The following SORCS2 variants were observed in gnomAD, a reference collection of about 807,000 sequenced individuals.
The protein encoded by SORCS2 is VPS10 domain-containing receptor SorCS2.
In SORCS2, 100 loss-of-function variants were observed where a neutral mutation model predicts 141.6. The ratio of observed to expected loss-of-function variants is 0.71; its 90% CI spans 0.60 to 0.83. The LOEUF (loss-of-function observed/expected upper bound fraction) is 0.83. Among genes scored for constraint, SORCS2 ranks in the 40% least tolerant of loss-of-function variants. SORCS2 has a pLI of 0.00. For missense variants in SORCS2, 1,646 were observed against 1,560.2 expected (o/e 1.05, Z -0.93); for synonymous variants, 789 against 676.9 (o/e 1.17, Z -2.57).
chr4:7,603,108 A>C (rs753615506), intron 3 of SORCS2, among the ~76,000 whole-genome samples: 6 of 151,880 alleles, frequency 4.0e-5, no homozygotes, highest in Non-Finnish European at 7.4e-5. Context: ...AGATGGCGGC[A>C]CTACAGTTCA....
At chr4:7,697,977 T>C (rs1285448916) in intron 12 of SORCS2, among the ~76,000 whole-genome samples, 1 of 152,086 alleles carries the variant, frequency 6.6e-6, no homozygotes, top group Admixed American at 6.5e-5. Context: ...CCAGAGGCAA[T>C]GGTGCTGATG....
intron 1 of SORCS2, among the ~76,000 whole-genome samples, chr4:7,299,380 A>C (rs939074588): frequency 3.3e-5 from 5 of 152,222 alleles, no homozygotes; most frequent in Non-Finnish European, 7.3e-5. Flanking sequence ...TCTTCCCCTC[A>C]GATGGCTCTG....
At chr4:7,359,257 C>T (rs192364617) in intron 1 of SORCS2, among the ~76,000 whole-genome samples, 120 of 152,236 alleles carry the variant, frequency 7.9e-4, no homozygotes, top group African/African-American at 2.7e-3. Context: ...GATGGCGCCA[C>T]TGCATTCCAG....
chr4:7,567,161 A>G (rs1577763423), intron 3 of SORCS2, among the ~76,000 whole-genome samples: 1 of 152,242 alleles, frequency 6.6e-6, no homozygotes. Flanking sequence ...TAGAGTTCCT[A>G]TATCCCTTGC....
chr4:7,683,902 G>A (rs2097770), intron 10 of SORCS2, among the ~76,000 whole-genome samples: 49,855 of 152,064 alleles, frequency 0.33, 8,942 homozygotes, highest in East Asian at 0.43. Context: ...TCCAGGTGGT[G>A]CACAGGCCCA....
intron 1 of SORCS2, among the ~76,000 whole-genome samples, chr4:7,382,679 G>A (rs1286343894): frequency 6.6e-6 from 1 of 152,148 alleles, no homozygotes; most frequent in Non-Finnish European, 1.5e-5. Flanking sequence ...TAAGGGGAGG[G>A]GCATCATGAT....
At chr4:7,325,271 C>T (rs763167325) in intron 1 of SORCS2, among the ~76,000 whole-genome samples, 34 of 152,104 alleles carry the variant, frequency 2.2e-4, no homozygotes, top group African/African-American at 4.3e-4. Flanking sequence ...AGCCAGGCAG[C>T]GCGCTTCACC....
chr4:7,300,937 C>G (rs2078292901), intron 1 of SORCS2, among the ~76,000 whole-genome samples: 1 of 152,214 alleles, frequency 6.6e-6, no homozygotes, highest in African/African-American at 2.4e-5. Context: ...GCCTCCGTGC[C>G]TGGGCAGCTC....
chr4:7,687,306 CCCT>C (rs1303848388), intron 10 of SORCS2, among the ~76,000 whole-genome samples: 2 of 152,184 alleles, frequency 1.3e-5, no homozygotes, highest in African/African-American at 4.8e-5. Flanking sequence ...ACAGCAGCCT[CCCT>C]CCTCAGCAAG....
rs147205544 is a variant in SORCS2 at position 7,739,023 on chromosome 4, C to T, written c.3416-1177C>T. Among the ~76,000 whole-genome samples, 659 of 152,284 alleles carry T rather than the reference C, an allele frequency of 4.3e-3. 4 individuals are homozygous for T. The highest frequency in any genetic ancestry group is 0.015 in the African/African-American group (618 of 41,566). On this transcript the variant is annotated intron_variant, in intron 26 of 26. Transcript: ENST00000507866. ...GGACCCAGGTACTTCACGGAGCGCT[C>T]GCTCTGTGTCAGCCCCAGCTCAGCG...
intron 1 of SORCS2, among the ~76,000 whole-genome samples, chr4:7,230,418 A>G (rs1464138549): frequency 4.4e-5 from 5 of 114,498 alleles, no homozygotes; most frequent in Non-Finnish European, 3.5e-5. Context: ...GCAGTGTCTG[A>G]AGCAGTGTCA....
chr4:7,501,275 C>T (rs925051183), intron 2 of SORCS2, among the ~76,000 whole-genome samples: 19 of 152,236 alleles, frequency 1.2e-4, no homozygotes, highest in Non-Finnish European at 4.4e-5. Flanking sequence ...TACAAAGAAC[C>T]TTGCTCTGTT....
intron 1 of SORCS2, chr4:7,381,827 G>C (rs1723011024): frequency 1.2e-6 from 1 of 858,768 alleles, no homozygotes; most frequent in Non-Finnish European, 1.4e-6. Context: ...CATGTGCCAG[G>C]AGCCAGGGCC....
intron 2 of SORCS2, among the ~76,000 whole-genome samples, chr4:7,456,372 A>C (rs1728911484): frequency 6.6e-6 from 1 of 152,230 alleles, no homozygotes; most frequent in African/African-American, 2.4e-5. Context: ...GAGGGAAATC[A>C]CAGCCACCAA....
chr4:7,225,347 GC>G (rs1261754749), intron 1 of SORCS2, among the ~76,000 whole-genome samples: 3 of 152,226 alleles, frequency 2.0e-5, no homozygotes, highest in Non-Finnish European at 2.9e-5. Context: ...GCTGTACCCA[GC>G]CCTGCTCTTG....
At chr4:7,370,443 C>T (rs1388732052) in intron 1 of SORCS2, among the ~76,000 whole-genome samples, 2 of 152,194 alleles carry the variant, frequency 1.3e-5, no homozygotes, top group Non-Finnish European at 2.9e-5. Flanking sequence ...CATCTGGGAT[C>T]GTCATCATTA....
intron 26 of SORCS2, among the ~76,000 whole-genome samples, chr4:7,739,813 C>T (rs111902628): frequency 6.2e-4 from 95 of 152,308 alleles, no homozygotes; most frequent in Middle Eastern, 6.8e-3. Flanking sequence ...CTCCCACTCT[C>T]GCCTCCCGGG....
At chr4:7,660,602 A>G (rs1722096302) in intron 5 of SORCS2, among the ~76,000 whole-genome samples, 1 of 152,088 alleles carries the variant, frequency 6.6e-6, no homozygotes, top group Non-Finnish European at 1.5e-5. Flanking sequence ...GTCTGAGGAG[A>G]GCATGCATTT....
chr4:7,425,562 C>G (rs1180046207), intron 2 of SORCS2, among the ~76,000 whole-genome samples: 1 of 152,190 alleles, frequency 6.6e-6, no homozygotes, highest in East Asian at 1.9e-4. Context: ...CGGCTCTGCT[C>G]CTTTCCTTGG....
Sources: gnomAD v4.1 joint callset for allele counts (sites outside exome capture counted in the v4.1 genomes callset) on GRCh38, gnomAD v4.1.1 for gene constraint, MANE v1.5 for transcripts, NCBI Gene and HGNC (gene_info 2026-07-23, HGNC 2026-07-21) for gene names.